The following PPM1B variants were observed in gnomAD, a reference collection of about 807,000 sequenced individuals.
PPM1B encodes the protein protein phosphatase, Mg2+/Mn2+ dependent 1B, also known as protein phosphatase 1B.
A neutral mutation model predicts 43.0 loss-of-function variants in PPM1B; 22 were observed. The ratio of observed to expected loss-of-function variants is 0.51; its 90% CI spans 0.37 to 0.73. The LOEUF is 0.73. Ranked by LOEUF, PPM1B falls within the 30% of genes least tolerant of loss-of-function variation. The pLI, the probability that PPM1B is intolerant of heterozygous loss-of-function variation, is 0.00. For synonymous variants in PPM1B, 217 were observed against 197.9 expected, an observed-to-expected ratio of 1.10 and a Z score of -0.81; for missense variants, 632 against 584.2, an observed-to-expected ratio of 1.08 and a Z score of -0.84.
rs146654432 is a variant in PPM1B, at chr2:44,169,716, C to G, written c.-15+442C>G. On this transcript the variant is annotated intron_variant, in intron 1 of 5. Transcript: ENST00000282412. ...TCATCAGCTTCTGCCCTACTCTGCGCTCCACTTCACTTCCTTGTTAAATCG... is the reference window on the plus strand; with the variant it reads ...TCATCAGCTTCTGCCCTACTCTGCGGTCCACTTCACTTCCTTGTTAAATCG... 1.4e-4 allele frequency among the ~76,000 whole-genome samples: 21 copies of G among 152,366 alleles called. 1 individual carries two copies. The East Asian group carries it at 4.0e-3, about 29-fold the overall frequency.
At chr2:44,244,499 G>T, downstream of PPM1B, 1 of 722,288 alleles carries the variant, frequency 1.4e-6, no homozygotes, top group South Asian at 4.1e-5. Context: ...AAACACCTGT[G>T]GCTTCTTGGC....
At chr2:44,226,403 CA>C (rs1242150965) in intron 5 of PPM1B, among the ~76,000 whole-genome samples, 36 of 152,222 alleles carry the variant, frequency 2.4e-4, no homozygotes, top group African/African-American at 7.9e-4. Flanking sequence ...TTGAACTTGC[CA>C]AAATTGACCC....
intron 2 of PPM1B, among the ~76,000 whole-genome samples, chr2:44,202,942 C>A (rs1669008058): frequency 1.3e-5 from 2 of 152,032 alleles, no homozygotes; most frequent in South Asian, 4.1e-4. Flanking sequence ...AAGTATTTGA[C>A]TGAAAAGATA....
At chr2:44,217,845 T>C in intron 3 of PPM1B, 122 bp from the exon 4 acceptor site, 1 of 504,690 alleles carries the variant, frequency 2.0e-6, no homozygotes, top group East Asian at 3.6e-5. Context: ...TTTTGTGTGT[T>C]GATGGTAATT....
rs184426806 is a variant in PPM1B at position 44,188,018 on chromosome 2, A to C, written c.-14-13168A>C. Among the ~76,000 whole-genome samples, 718 of 152,242 alleles carry C rather than the reference A, an allele frequency of 4.7e-3. 5 individuals are homozygous for C. Among genetic ancestry groups the C allele is most frequent in the Admixed American group, 9.2e-3 (140 of 15,290 alleles). On this transcript the variant is annotated intron_variant, in intron 1 of 5. Coordinates refer to ENST00000282412, the MANE Select transcript of PPM1B (RefSeq NM_002706.6). ...GCCCACCTCGGCCTCCCAAGGTGCT[A>C]GGATTACAGGCGTGAGACACCGCAC...
intron 1 of PPM1B, among the ~76,000 whole-genome samples, chr2:44,195,061 T>G (rs1668596741): frequency 6.6e-6 from 1 of 151,718 alleles, no homozygotes; most frequent in Non-Finnish European, 1.5e-5. Context: ...CAGGGCTAAT[T>G]TTTGTATTTT....
In PPM1B at chr2:44,240,162, C is replaced by T. The variant is rs182150286; in HGVS notation, n.1547-4066C>T. Among the ~76,000 whole-genome samples the T allele has an allele frequency of 1.0e-4, 15 of 145,786 alleles. 2 individuals carry two copies. Among genetic ancestry groups the T allele is most frequent in the Non-Finnish European group, 1.8e-4 (12 of 65,290 alleles). ...TACTGGGAGTACAGACATGAGCCAC[C>T]GCACATGGCCTAAATCTAGTTCCTT... On this transcript the variant is annotated intron_variant and non_coding_transcript_variant, in intron 5 of 5. Coordinates refer to the PPM1B transcript ENST00000378540.
chr2:44,215,435 G>A (rs1029834166), intron 3 of PPM1B, among the ~76,000 whole-genome samples: 1 of 151,850 alleles, frequency 6.6e-6, no homozygotes, highest in African/African-American at 2.4e-5. Context: ...TCCAGCCTGG[G>A]CCACAGAGTA....
chr2:44,200,040 T>G (rs539652271), intron 1 of PPM1B, among the ~76,000 whole-genome samples: 1 of 152,220 alleles, frequency 6.6e-6, no homozygotes, highest in Non-Finnish European at 1.5e-5. Flanking sequence ...TTTTTGATGA[T>G]TCCATCTAAG....
intron 2 of PPM1B, among the ~76,000 whole-genome samples, chr2:44,203,938 A>T (rs1329981206): frequency 6.6e-6 from 1 of 152,166 alleles, no homozygotes; most frequent in Admixed American, 6.6e-5. Context: ...GTATATCTTC[A>T]CTTGCTAGCT....
At chr2:44,212,841 A>G (rs912162708) in intron 3 of PPM1B, among the ~76,000 whole-genome samples, 1 of 151,966 alleles carries the variant, frequency 6.6e-6, no homozygotes, top group African/African-American at 2.4e-5. Flanking sequence ...AAAACCTGTA[A>G]CTACTAAAAA....
At chr2:44,199,966 G>T (rs547486099) in intron 1 of PPM1B, among the ~76,000 whole-genome samples, 2 of 152,122 alleles carry the variant, frequency 1.3e-5, no homozygotes, top group African/African-American at 4.8e-5. Flanking sequence ...AAGATACGTA[G>T]ACCCAAATGG....
intron 1 of PPM1B, among the ~76,000 whole-genome samples, chr2:44,178,882 GTATTT>G (rs562997914): frequency 3.9e-5 from 6 of 152,274 alleles, no homozygotes; most frequent in African/African-American, 1.2e-4. Flanking sequence ...TTTTAGTAAT[GTATTT>G]TATTTAATCC....
chr2:44,203,389 A>T (rs556550634), intron 2 of PPM1B, among the ~76,000 whole-genome samples: 1 of 152,246 alleles, frequency 6.6e-6, no homozygotes, highest in East Asian at 1.9e-4. Flanking sequence ...AAATGAAGCA[A>T]TTCTGACCTG....
rs1670460299 is a variant in PPM1B at position 44,231,293 on chromosome 2, C to G, written c.*575C>G. Reference sequence around the variant, plus strand: ...AGATATTGGATGTGTGGCTATTTTTCCTTTCTCTGTATTCTTTATGAAACA... The same window carrying G: ...AGATATTGGATGTGTGGCTATTTTTGCTTTCTCTGTATTCTTTATGAAACA... On this transcript the variant is annotated 3_prime_UTR_variant, in exon 6 of 6. Coordinates refer to ENST00000282412, the MANE Select transcript of PPM1B (RefSeq NM_002706.6). The G allele has an allele frequency of 1.0e-6, 1 of 978,732 alleles. No individual in the cohort carries two copies. The highest frequency in any genetic ancestry group is 1.2e-6 in the Non-Finnish European group (1 of 823,968). 60.6% of individuals were successfully genotyped at this position (978,732 alleles called of 1,614,324 possible). A position where few individuals can be genotyped will look rare whatever the true frequency, so the allele number is the denominator to read the frequency against.
At chr2:44,211,766 T>A (rs933581461) in intron 3 of PPM1B, among the ~76,000 whole-genome samples, 23 of 82,612 alleles carry the variant, frequency 2.8e-4, no homozygotes, top group African/African-American at 9.3e-4. Flanking sequence ...TTTTTTTTTT[T>A]ATGATGGAGT....
At chr2:44,213,032 A>G (rs1466890635) in intron 3 of PPM1B, among the ~76,000 whole-genome samples, 1 of 150,802 alleles carries the variant, frequency 6.6e-6, no homozygotes, top group Non-Finnish European at 1.5e-5. Flanking sequence ...AAAAAAAAAA[A>G]ATTCCATTTA....
At chr2:44,229,928 T>TA (rs1670394660) in intron 5 of PPM1B, 3 of 1,386,554 alleles carry the variant, frequency 2.2e-6, no homozygotes. Context: ...GTAAAAACTC[T>TA]AAAATCTTTC....
rs578082269 is a variant in PPM1B, at chr2:44,197,269, G to A, written c.-14-3917G>A. Among the ~76,000 whole-genome samples the A allele has an allele frequency of 1.2e-4, 19 of 152,106 alleles. No individual in the cohort carries two copies. In the South Asian group the frequency reaches 3.3e-3, roughly 27 times the overall value. ...TGAGTAACCCAGGCTACAGCCGTGC[G>A]CCACCATGTCTGGCTAATTTTTAAT... is the stretch of plus-strand genomic sequence containing the variant. On this transcript the variant is annotated intron_variant, in intron 1 of 5. Transcript: ENST00000282412.
Sources: gnomAD v4.1 joint callset for allele counts (sites outside exome capture counted in the v4.1 genomes callset) on GRCh38, gnomAD v4.1.1 for gene constraint, MANE v1.5 for transcripts, NCBI Gene and HGNC (gene_info 2026-07-23, HGNC 2026-07-21) for gene names.